Variants in PRICKLE1 observed in about 807,000 individuals in gnomAD.
PRICKLE1 encodes the protein prickle-like protein 1.
In PRICKLE1, 14 loss-of-function variants were observed where a neutral mutation model predicts 70.2. The observed-to-expected ratio is 0.20, with a 90% confidence interval of 0.13 to 0.31. The LOEUF (loss-of-function observed/expected upper bound fraction) is 0.31. Ranked by LOEUF, PRICKLE1 falls within the 10% of genes least tolerant of loss-of-function variation. PRICKLE1 has a pLI of 1.00. For missense variants in PRICKLE1, 821 were observed against 1,026.2 expected, an observed-to-expected ratio of 0.80 and a Z score of 2.73; for synonymous variants, 357 against 379.9, an observed-to-expected ratio of 0.94 and a Z score of 0.70.
intron 1 of PRICKLE1, among the ~76,000 whole-genome samples, chr12:42,556,523 C>T (rs1469969706): frequency 1.2e-4 from 19 of 152,312 alleles, no homozygotes; most frequent in South Asian, 4.2e-4. Flanking sequence ...ACTATCTAAG[C>T]GTCATGGCCA....
At chr12:42,527,851 C>T (rs924137841) in intron 1 of PRICKLE1, among the ~76,000 whole-genome samples, 5 of 144,742 alleles carry the variant, frequency 3.5e-5, no homozygotes, top group African/African-American at 1.0e-4. Flanking sequence ...ATCTGAGATC[C>T]GTATGTAATG....
At chr12:42,558,080 G>A (rs1035353298) in intron 1 of PRICKLE1, among the ~76,000 whole-genome samples, 15 of 152,102 alleles carry the variant, frequency 9.9e-5, no homozygotes, top group Non-Finnish European at 1.8e-4. Context: ...ACTGGATAAA[G>A]GCATGTCTAC....
chr12:42,509,946 A>G (rs962648677), intron 1 of PRICKLE1, among the ~76,000 whole-genome samples: 2 of 151,494 alleles, frequency 1.3e-5, no homozygotes, highest in Non-Finnish European at 2.9e-5. Context: ...GTTGGCACAC[A>G]CTTGGAATCC....
chr12:42,495,860 C>T lies in PRICKLE1; in HGVS notation c.-48-23296G>A, dbSNP rs1056066777. On this transcript the variant is annotated intron_variant, in intron 1 of 7. Transcript: ENST00000345127. ...TGCCCACCTCGGCCTCCGAAAGTGCCGGAATTACAGGCGTGAGCCACTGCG... is the reference window on the plus strand; with the variant it reads ...TGCCCACCTCGGCCTCCGAAAGTGCTGGAATTACAGGCGTGAGCCACTGCG... Among the ~76,000 whole-genome samples the T allele has an allele frequency of 5.3e-5, 8 of 152,178 alleles. No homozygotes were observed. The East Asian group carries it at 5.8e-4, about 11-fold the overall frequency.
At chr12:42,484,216 C>T (rs1275487037) in intron 1 of PRICKLE1, 1 of 151,274 alleles carries the variant, frequency 6.6e-6, no homozygotes, top group Non-Finnish European at 1.5e-5. Context: ...GTCCCGCGCG[C>T]ACAATTCCTC....
chr12:42,523,158 G>A (rs990231746), intron 1 of PRICKLE1, among the ~76,000 whole-genome samples: 4 of 152,042 alleles, frequency 2.6e-5, no homozygotes, highest in African/African-American at 7.2e-5. Context: ...TAGTAGAGAC[G>A]GGGTTTCACT....
At chr12:42,502,617 G>T (rs1796345) in intron 1 of PRICKLE1, among the ~76,000 whole-genome samples, 11 of 152,020 alleles carry the variant, frequency 7.2e-5, no homozygotes, top group Middle Eastern at 3.4e-3. Flanking sequence ...GGCTTGTGTG[G>T]TTTTTTAAAA....
intron 1 of PRICKLE1, among the ~76,000 whole-genome samples, chr12:42,485,810 T>C (rs920147326): frequency 7.2e-5 from 11 of 152,350 alleles, no homozygotes; most frequent in African/African-American, 2.6e-4. Flanking sequence ...GTAAATGTGC[T>C]TCCTCTAACG....
chr12:42,579,184 C>T (rs935116838), intron 1 of PRICKLE1, among the ~76,000 whole-genome samples: 1 of 152,136 alleles, frequency 6.6e-6, no homozygotes, highest in Non-Finnish European at 1.5e-5. Context: ...GGTACAGCAG[C>T]TTAAGAGGAT....
chr12:42,575,077 A>G (rs1035144537), intron 1 of PRICKLE1, among the ~76,000 whole-genome samples: 63 of 152,024 alleles, frequency 4.1e-4, no homozygotes, highest in African/African-American at 1.4e-3. Flanking sequence ...TCATAAAAGC[A>G]TAATATTCAT....
intron 1 of PRICKLE1, among the ~76,000 whole-genome samples, chr12:42,575,938 C>T (rs897749821): frequency 2.6e-5 from 4 of 152,184 alleles, no homozygotes; most frequent in Non-Finnish European, 5.9e-5. Flanking sequence ...TGTGCTACTG[C>T]TATATCCAGC....
chr12:42,566,244 G>A (rs12825705), intron 1 of PRICKLE1, among the ~76,000 whole-genome samples: 8,978 of 152,238 alleles, frequency 0.059, 299 homozygotes, highest in South Asian at 0.083. Flanking sequence ...TTCCAGAAAT[G>A]TCCAGGAGGC....
chr12:42,588,992 A>AT (rs893134887), intron 1 of PRICKLE1, among the ~76,000 whole-genome samples: 3 of 152,020 alleles, frequency 2.0e-5, no homozygotes, highest in Admixed American at 6.5e-5. Flanking sequence ...GTGGGAGTTG[A>AT]TTCGCCTCTG....
At chr12:42,535,000 TCA>T (rs1381389084) in intron 1 of PRICKLE1, among the ~76,000 whole-genome samples, 2 of 152,196 alleles carry the variant, frequency 1.3e-5, no homozygotes, top group Non-Finnish European at 2.9e-5. Flanking sequence ...TCATCCACTC[TCA>T]GTTTGTGACA....
At chr12:42,510,720 T>C (rs1021668353) in intron 1 of PRICKLE1, among the ~76,000 whole-genome samples, 1 of 152,202 alleles carries the variant, frequency 6.6e-6, no homozygotes, top group Admixed American at 6.5e-5. Context: ...AGATGGGCAA[T>C]TGGAAGGTTT....
chr12:42,460,211 C>T lies in PRICKLE1; in HGVS notation c.2094G>A (p.Lys698=). 1 of 1,614,056 alleles carries T rather than the reference C, an allele frequency of 6.2e-7. No individual in the cohort carries two copies. Among genetic ancestry groups the T allele is most frequent in the Non-Finnish European group, 8.5e-7 (1 of 1,180,018 alleles). Reference sequence around the variant, plus strand: ...CGGGGGTGTACAGCCGCAGTCTGTCCTTGGGAGAGTATTTTCTTTCTGTAA... The same window carrying T: ...CGGGGGTGTACAGCCGCAGTCTGTCTTTGGGAGAGTATTTTCTTTCTGTAA... ...NLVTERKYSP[K]DRLRLYTPDN... The change falls in exon 8 of 8, where the codon AAG becomes AAA. Residue 698 remains lysine (K), a synonymous_variant. Coordinates refer to ENST00000345127, the MANE Select transcript of PRICKLE1 (RefSeq NM_153026.3).
intron 1 of PRICKLE1, among the ~76,000 whole-genome samples, chr12:42,492,648 C>G (rs1325122196): frequency 6.6e-6 from 1 of 152,188 alleles, no homozygotes; most frequent in Non-Finnish European, 1.5e-5. Context: ...TTAGACTGCA[C>G]CAGGGCCAAG....
At chr12:42,521,867 C>A (rs1939713887) in intron 1 of PRICKLE1, among the ~76,000 whole-genome samples, 1 of 150,428 alleles carries the variant, frequency 6.6e-6, no homozygotes, top group Admixed American at 6.6e-5. Context: ...CTTAGAACGA[C>A]TTAATTTGCT....
At chr12:42,539,325 G>A (rs530136152) in intron 1 of PRICKLE1, among the ~76,000 whole-genome samples, 29 of 152,002 alleles carry the variant, frequency 1.9e-4, no homozygotes, top group African/African-American at 6.0e-4. Flanking sequence ...AAAATTAGCC[G>A]GGCGTGGGGG....
Sources: allele counts gnomAD v4.1 joint callset (sites outside exome capture counted in the v4.1 genomes callset), GRCh38; gene constraint gnomAD v4.1.1; transcripts MANE v1.5; gene names NCBI Gene and HGNC (gene_info 2026-07-23, HGNC 2026-07-21).